The following DNAI4 variants were observed in gnomAD, a reference collection of about 807,000 sequenced individuals.
DNAI4 encodes the protein dynein axonemal intermediate chain 4.
A neutral mutation model predicts 105.8 loss-of-function variants in DNAI4; 85 were observed. The ratio of observed to expected loss-of-function variants is 0.80; its 90% confidence interval spans 0.67 to 0.96. The LOEUF (loss-of-function observed/expected upper bound fraction) is 0.96, where lower values mean the gene tolerates loss of function less well. Ranked by LOEUF, DNAI4 falls within the 40% of genes least tolerant of loss-of-function variation. The probability of loss-of-function intolerance (pLI) is 0.00; values close to 1 mark genes in which losing one functional copy is unlikely to be tolerated. For missense variants in DNAI4, 1,014 were observed against 1,005.6 expected, an observed-to-expected ratio of 1.01 and a Z score of -0.11; for synonymous variants, 352 against 331.5, an observed-to-expected ratio of 1.06 and a Z score of -0.67.
chr1:66,875,543 T>C (rs897673129), intron 4 of DNAI4, among the ~76,000 whole-genome samples: 1 of 152,126 alleles, frequency 6.6e-6, no homozygotes, highest in Non-Finnish European at 1.5e-5. Context: ...CAGAACTTGA[T>C]CCAAGGTCCT....
chr1:66,817,608 C>A (rs190660913), intron 16 of DNAI4, among the ~76,000 whole-genome samples: 7 of 152,014 alleles, frequency 4.6e-5, no homozygotes, highest in African/African-American at 9.6e-5. Context: ...GATAGAATCT[C>A]ATCTAATCAG....
chr1:66,903,067 A>G (rs1648954535), intron 2 of DNAI4, among the ~76,000 whole-genome samples: 1 of 152,158 alleles, frequency 6.6e-6, no homozygotes, highest in South Asian at 2.1e-4. Context: ...AGGTTTTTCT[A>G]CTTCTGAAAA....
intron 8 of DNAI4, among the ~76,000 whole-genome samples, chr1:66,844,271 A>G (rs1572635668): frequency 6.6e-6 from 1 of 152,042 alleles, no homozygotes; most frequent in East Asian, 1.9e-4. Context: ...TATTAAAAAT[A>G]AAAATAGGCC....
At chr1:66,851,451 A>T (rs1646395305) in intron 7 of DNAI4, among the ~76,000 whole-genome samples, 1 of 151,980 alleles carries the variant, frequency 6.6e-6, no homozygotes, top group Admixed American at 6.6e-5. Flanking sequence ...TCAACTAAAA[A>T]GATGTAACTA....
rs144580874 is a variant in DNAI4 at position 66,837,744 on chromosome 1, C to A, written c.1547G>T (p.Gly516Val). The change falls in exon 10 of 17, where the codon GGA becomes GTA. Residue 516 changes from glycine to valine, a missense_variant. Gly to Val is a moderately radical substitution (Grantham distance 109, BLOSUM62 -3). Coordinates refer to ENST00000371026, the MANE Select transcript of DNAI4 (RefSeq NM_024763.5). Reference protein sequence around the residue: ...GHFGFKEQKRGLACCWSIKNP... With the variant: ...GHFGFKEQKRVLACCWSIKNP... ...CTTTATTGACCAGCAGCAAGCCAGT[C>A]CTCTTTTTTGCTCTTTAAATCCAAA... The A allele has an allele frequency of 1.8e-5, 29 of 1,609,878 alleles. No homozygotes were observed. Among genetic ancestry groups the A allele is most frequent in the Non-Finnish European group, 2.3e-5 (27 of 1,178,606 alleles).
chr1:66,836,601 C>A (rs1246594280), intron 10 of DNAI4, among the ~76,000 whole-genome samples: 1 of 152,200 alleles, frequency 6.6e-6, no homozygotes, highest in Non-Finnish European at 1.5e-5. Flanking sequence ...GTTTGAATGT[C>A]TAATTTAAAT....
chr1:66,822,564 G>A, intron 15 of DNAI4, 47 bp from the exon 16 acceptor site: 2 of 1,419,402 alleles, frequency 1.4e-6, no homozygotes, highest in Non-Finnish European at 1.9e-6. Flanking sequence ...ATATTAATAT[G>A]GTCTTTTAAA....
At chr1:66,851,162 C>T (rs1646388886) in intron 7 of DNAI4, among the ~76,000 whole-genome samples, 1 of 151,544 alleles carries the variant, frequency 6.6e-6, no homozygotes, top group South Asian at 2.1e-4. Context: ...AAAGATATAG[C>T]AGGCAAACAT....
intron 4 of DNAI4, among the ~76,000 whole-genome samples, chr1:66,876,898 C>T (rs1408492364): frequency 6.6e-6 from 1 of 152,174 alleles, no homozygotes; most frequent in Non-Finnish European, 1.5e-5. Flanking sequence ...CACACCTTTA[C>T]TCATGAATCC....
intron 7 of DNAI4, among the ~76,000 whole-genome samples, chr1:66,854,077 A>C (rs1301270622): frequency 6.6e-6 from 1 of 152,178 alleles, no homozygotes; most frequent in Admixed American, 6.5e-5. Flanking sequence ...ACTACCAATA[A>C]ACAGGTGGAC....
intron 6 of DNAI4, among the ~76,000 whole-genome samples, chr1:66,870,387 A>G (rs1646816684): frequency 6.7e-6 from 1 of 149,962 alleles, no homozygotes; most frequent in Non-Finnish European, 1.5e-5. Flanking sequence ...GGTTGCAGTG[A>G]GCCAAGATTG....
At position 66,901,262 on chromosome 1, in the gene DNAI4, CT is replaced by C. The variant is rs199694283; in HGVS notation, c.345+3938del. Among the ~76,000 whole-genome samples the C allele has an allele frequency of 2.2e-3, 329 of 151,660 alleles. 8 individuals are homozygous for C. The East Asian group carries it at 0.055, about 26-fold the overall frequency. On this transcript the variant is annotated intron_variant, in intron 2 of 16. Coordinates refer to ENST00000371026, the MANE Select transcript of DNAI4 (RefSeq NM_024763.5). The stretch of plus-strand genomic sequence containing the variant: ...TTCATGTTATTTTGTGTTATTCACT[CT>C]TTTTTTTCAGTTTCTTCAGTTGGAA...
intron 13 of DNAI4, among the ~76,000 whole-genome samples, chr1:66,830,780 C>CAA (rs1185319040): frequency 7.4e-5 from 10 of 135,938 alleles, no homozygotes; most frequent in Admixed American, 4.5e-4. Context: ...GACCCTGTCT[C>CAA]AAAAAAAAAT....
At chr1:66,868,114 T>C (rs1646770306) in intron 6 of DNAI4, among the ~76,000 whole-genome samples, 1 of 152,240 alleles carries the variant, frequency 6.6e-6, no homozygotes, top group African/African-American at 2.4e-5. Context: ...TTTCCTGATA[T>C]TTAATAATCT....
At chr1:66,905,458 G>A (rs1004680062) in intron 1 of DNAI4, 83 bp from the exon 2 acceptor site, 2 of 873,918 alleles carry the variant, frequency 2.3e-6, no homozygotes, top group Middle Eastern at 3.0e-4. Context: ...TAGATTTCCT[G>A]TAAAAACATG....
At chr1:66,825,898 C>A (rs1042506621) in intron 15 of DNAI4, among the ~76,000 whole-genome samples, 1 of 152,152 alleles carries the variant, frequency 6.6e-6, no homozygotes, top group African/African-American at 2.4e-5. Context: ...AATTTATTTT[C>A]TTGCTTTTGC....
chr1:66,911,758 T>C (rs1557983968), intron 1 of DNAI4, among the ~76,000 whole-genome samples: 2 of 152,244 alleles, frequency 1.3e-5, no homozygotes, highest in African/African-American at 2.4e-5. Flanking sequence ...TTCATACTTG[T>C]GAAGGAAGGA....
intron 4 of DNAI4, among the ~76,000 whole-genome samples, chr1:66,877,517 T>A (rs988621701): frequency 6.6e-6 from 1 of 152,106 alleles, no homozygotes; most frequent in African/African-American, 2.4e-5. Flanking sequence ...TACAGAAGAG[T>A]TGTAAGAATA....
intron 8 of DNAI4, among the ~76,000 whole-genome samples, chr1:66,842,329 TAATC>T (rs1308579150): frequency 6.6e-6 from 1 of 152,236 alleles, no homozygotes; most frequent in Non-Finnish European, 1.5e-5. Flanking sequence ...CTCATTTAGT[TAATC>T]AACAGGAGTG....
Sources: allele counts gnomAD v4.1 joint callset (sites outside exome capture counted in the v4.1 genomes callset), GRCh38; gene constraint gnomAD v4.1.1; transcripts MANE v1.5; gene names NCBI Gene and HGNC (gene_info 2026-07-23, HGNC 2026-07-21).